The following MACROD2 variants were observed in gnomAD, a reference collection of about 807,000 sequenced individuals.
The protein encoded by MACROD2 is ADP-ribose glycohydrolase MACROD2.
A neutral mutation model predicts 70.4 loss-of-function variants in MACROD2; 36 were observed. The observed-to-expected ratio is 0.51, with a 90% CI of 0.39 to 0.68. The LOEUF is 0.68. Ranked by LOEUF, MACROD2 falls within the 30% of genes least tolerant of loss-of-function variation. The pLI, the probability that MACROD2 is intolerant of heterozygous loss-of-function variation, is 0.00. For synonymous variants in MACROD2, 172 were observed against 178.8 expected (o/e 0.96, Z 0.30); for missense variants, 496 against 538.4 (o/e 0.92, Z 0.78).
chr20:14,226,938 C>G (rs2081742816), intron 3 of MACROD2, among the ~76,000 whole-genome samples: 1 of 152,252 alleles, frequency 6.6e-6, no homozygotes. Flanking sequence ...AGCCCCAGTG[C>G]AGGATCCACT....
chr20:15,737,950 A>T (rs2051048865), intron 8 of MACROD2, among the ~76,000 whole-genome samples: 1 of 152,114 alleles, frequency 6.6e-6, no homozygotes, highest in South Asian at 2.1e-4. Context: ...AACAAACAAA[A>T]CACAGGTAGA....
At chr20:14,774,747 A>G (rs892800795) in intron 5 of MACROD2, among the ~76,000 whole-genome samples, 2 of 152,152 alleles carry the variant, frequency 1.3e-5, no homozygotes, top group Non-Finnish European at 2.9e-5. Context: ...AAATCAGGCT[A>G]CACATATGAT....
At chr20:15,192,067 A>G in intron 5 of MACROD2, among the ~76,000 whole-genome samples, 1 of 134,318 alleles carries the variant, frequency 7.4e-6, no homozygotes, top group East Asian at 2.2e-4. Flanking sequence ...TCTATCTAAA[A>G]CTCTCTCTCT....
At chr20:14,522,237 G>C (rs2224298) in intron 4 of MACROD2, among the ~76,000 whole-genome samples, 124,708 of 152,156 alleles carry the variant, frequency 0.82, 51,510 homozygotes, top group East Asian at 1. Context: ...ACATAACACA[G>C]ATAGATAGGT....
intron 9 of MACROD2, among the ~76,000 whole-genome samples, chr20:15,864,018 A>G (rs181807840): frequency 1.3e-3 from 201 of 152,282 alleles, no homozygotes; most frequent in African/African-American, 4.6e-3. Flanking sequence ...TCAGATTCCC[A>G]TGTGATAAAG....
intron 3 of MACROD2, among the ~76,000 whole-genome samples, chr20:14,417,094 TATCTATCTATCTATC>T (rs2083817946): frequency 7.2e-6 from 1 of 138,246 alleles, no homozygotes; most frequent in South Asian, 2.6e-4. Context: ...TCTATCTATC[TATCTATCTATCTATC>T]TCTGCAAGGT....
At chr20:15,819,262 G>A (rs1352412851) in intron 8 of MACROD2, among the ~76,000 whole-genome samples, 3 of 116,518 alleles carry the variant, frequency 2.6e-5, no homozygotes, top group African/African-American at 9.3e-5. Context: ...TATTTACATA[G>A]TATAGAGAGA....
intron 5 of MACROD2, among the ~76,000 whole-genome samples, chr20:15,053,315 A>G (rs1483603367): frequency 1.3e-5 from 2 of 152,220 alleles, no homozygotes; most frequent in African/African-American, 2.4e-5. Flanking sequence ...ACTAGAAAAG[A>G]GAAGTCATAG....
chr20:14,470,416 C>G (rs1054121512), intron 3 of MACROD2, among the ~76,000 whole-genome samples: 1 of 152,136 alleles, frequency 6.6e-6, no homozygotes, highest in African/African-American at 2.4e-5. Context: ...CGAGGACTCA[C>G]TTGGGGAGGC....
chr20:14,294,969 A>G (rs2122464794), intron 3 of MACROD2, among the ~76,000 whole-genome samples: 1 of 151,854 alleles, frequency 6.6e-6, no homozygotes, highest in Admixed American at 6.6e-5. Flanking sequence ...TGTGTCAGAA[A>G]CAGCCAGTCA....
intron 6 of MACROD2, among the ~76,000 whole-genome samples, chr20:15,329,509 G>T (rs2077968676): frequency 6.6e-6 from 1 of 152,036 alleles, no homozygotes; most frequent in Non-Finnish European, 1.5e-5. Context: ...AGGCAGAGGT[G>T]AGAGGACTGT....
At chr20:15,987,245 G>T in intron 15 of MACROD2, 87 bp downstream of exon 15, 2 of 1,085,850 alleles carry the variant, frequency 1.8e-6, no homozygotes. Context: ...TTATTCTCAT[G>T]CAATTACAGT....
chr20:15,209,046 G>T (rs1381216890), intron 5 of MACROD2, among the ~76,000 whole-genome samples: 1 of 152,044 alleles, frequency 6.6e-6, no homozygotes, highest in Non-Finnish European at 1.5e-5. Flanking sequence ...GTTGGAATAG[G>T]ATAGTTTTTA....
At chr20:15,727,777 T>C (rs1425752489) in intron 8 of MACROD2, among the ~76,000 whole-genome samples, 1 of 152,038 alleles carries the variant, frequency 6.6e-6, no homozygotes, top group Non-Finnish European at 1.5e-5. Context: ...CTGATTTTTG[T>C]ACTTTAAAAC....
At chr20:16,009,744 C>T (rs1003530278) in intron 15 of MACROD2, among the ~76,000 whole-genome samples, 1 of 151,574 alleles carries the variant, frequency 6.6e-6, no homozygotes, top group Non-Finnish European at 1.5e-5. Context: ...GCGATAAGAG[C>T]AAGACTCTGT....
At chr20:14,875,571 T>A (rs1536898) in intron 5 of MACROD2, among the ~76,000 whole-genome samples, 138,099 of 152,144 alleles carry the variant, frequency 0.91, 62,861 homozygotes, top group East Asian at 1. Context: ...TTGGGGTACA[T>A]ATTATCCCAT....
intron 8 of MACROD2, among the ~76,000 whole-genome samples, chr20:15,819,469 A>G (rs2063915769): frequency 1.4e-5 from 2 of 145,772 alleles, no homozygotes; most frequent in Non-Finnish European, 3.0e-5. Context: ...ATATAAGTAT[A>G]TAAATATATA....
chr20:14,597,447 GTTTA>G (rs1260942851), intron 4 of MACROD2, among the ~76,000 whole-genome samples: 2 of 152,088 alleles, frequency 1.3e-5, no homozygotes, highest in Non-Finnish European at 2.9e-5. Context: ...ACTTGGAAGT[GTTTA>G]TTTAGTCCTC....
intron 15 of MACROD2, among the ~76,000 whole-genome samples, chr20:15,993,988 G>A (rs895658053): frequency 5.3e-5 from 8 of 152,114 alleles, no homozygotes; most frequent in Non-Finnish European, 1.0e-4. Context: ...CCACCCCAGT[G>A]ACACCCAGGG....
Sources: gnomAD v4.1 joint callset for allele counts (sites outside exome capture counted in the v4.1 genomes callset) on GRCh38, gnomAD v4.1.1 for gene constraint, MANE v1.5 for transcripts, NCBI Gene and HGNC (gene_info 2026-07-23, HGNC 2026-07-21) for gene names.